SGPP2: variants seen among roughly 807,000 people sequenced by gnomAD.
The protein encoded by SGPP2 is sphingosine 1-phosphate phosphohydrolase 2.
A neutral mutation model predicts 33.9 loss-of-function variants in SGPP2; 30 were observed. That is an observed-to-expected ratio of 0.89 (90% CI 0.66 to 1.20). The LOEUF (loss-of-function observed/expected upper bound fraction) is 1.20, where lower values mean the gene tolerates loss of function less well. Among genes scored for constraint, SGPP2 ranks in the 50% most tolerant of loss-of-function variants. The pLI, the probability that SGPP2 is intolerant of heterozygous loss-of-function variation, is 0.00. For synonymous variants in SGPP2, 233 were observed against 225.0 expected (o/e 1.04, Z -0.32); for missense variants, 458 against 532.1 (o/e 0.86, Z 1.37).
At chr2:222,542,413 T>C (rs1399639346) in intron 4 of SGPP2, among the ~76,000 whole-genome samples, 3 of 152,226 alleles carry the variant, frequency 2.0e-5, no homozygotes, top group Non-Finnish European at 4.4e-5. Flanking sequence ...ATGTACATTT[T>C]CCTCTTGAGT....
intron 1 of SGPP2, among the ~76,000 whole-genome samples, chr2:222,458,105 C>T (rs1697599663): frequency 6.6e-6 from 1 of 152,112 alleles, no homozygotes; most frequent in Non-Finnish European, 1.5e-5. Context: ...GCCCGAAGTG[C>T]AGTGGAGAGA....
chr2:222,428,942 C>T (rs1399637779), intron 1 of SGPP2, among the ~76,000 whole-genome samples: 1 of 151,964 alleles, frequency 6.6e-6, no homozygotes, highest in Admixed American at 6.6e-5. Flanking sequence ...CAGGCATGCA[C>T]CACCATGTCC....
chr2:222,474,697 T>C lies in SGPP2; in HGVS notation c.349T>C (p.Leu117=), dbSNP rs187530747. ...CACTCACTGGAATATTGACCCTTAT[T>C]TATCCAGAAGATTGATCATCATATG... ...PFTHWNIDPY[L]SRRLIIIWVL... The change falls in exon 2 of 5, where the codon TTA becomes CTA. Residue 117 remains leucine (L), a synonymous_variant. Transcript: ENST00000321276. 86 of 1,613,952 alleles carry C rather than the reference T, an allele frequency of 5.3e-5. No individual in the cohort carries two copies. In the South Asian group the frequency reaches 8.8e-4, roughly 16 times the overall value.
At chr2:222,488,727 A>C (rs17496827) in intron 2 of SGPP2, among the ~76,000 whole-genome samples, 69,810 of 151,906 alleles carry the variant, frequency 0.46, 17,226 homozygotes, top group Middle Eastern at 0.66. Flanking sequence ...TGCAAGCCTT[A>C]CTCTCAGCTT....
chr2:222,467,977 A>C (rs938197622), intron 1 of SGPP2, among the ~76,000 whole-genome samples: 16 of 139,942 alleles, frequency 1.1e-4, no homozygotes, highest in African/African-American at 3.0e-4. Context: ...AAAAAAAAAA[A>C]AAAAAAAAAA....
chr2:222,489,794 C>A (rs1439256164), intron 2 of SGPP2, among the ~76,000 whole-genome samples: 1 of 151,948 alleles, frequency 6.6e-6, no homozygotes, highest in African/African-American at 2.4e-5. Flanking sequence ...GGAGAAACCC[C>A]ATCTCTACTA....
chr2:222,555,907 C>T (rs1203210152), intron 4 of SGPP2, among the ~76,000 whole-genome samples: 1 of 152,190 alleles, frequency 6.6e-6, no homozygotes, highest in East Asian at 1.9e-4. Flanking sequence ...GCAGTTCATT[C>T]TGATTGTTGT....
chr2:222,509,251 G>A (rs548674880), intron 2 of SGPP2, among the ~76,000 whole-genome samples: 7 of 152,264 alleles, frequency 4.6e-5, no homozygotes, highest in East Asian at 1.9e-4. Context: ...AGAGGTGAAT[G>A]TTTGGGGTGA....
chr2:222,493,295 C>G (rs1698226276), intron 2 of SGPP2, among the ~76,000 whole-genome samples: 1 of 152,162 alleles, frequency 6.6e-6, no homozygotes, highest in African/African-American at 2.4e-5. Flanking sequence ...AAGGAAGAGG[C>G]ACATCTTACA....
intron 2 of SGPP2, among the ~76,000 whole-genome samples, chr2:222,496,194 G>A (rs899685096): frequency 1.3e-5 from 2 of 152,204 alleles, no homozygotes; most frequent in African/African-American, 2.4e-5. Context: ...CAGTACTTGT[G>A]CCTGCCTGTG....
intron 2 of SGPP2, among the ~76,000 whole-genome samples, chr2:222,487,540 T>C (rs2033694): frequency 0.81 from 123,056 of 152,054 alleles, 50,288 homozygotes; most frequent in African/African-American, 0.93. Context: ...TTTCATCATA[T>C]GCCATGGCTT....
Position 222,474,724 on chromosome 2 carries a change from G to A in SGPP2, c.376G>A (p.Val126Ile), listed in dbSNP as rs766362983. 1 of 1,611,378 alleles carries A rather than the reference G, an allele frequency of 6.2e-7. No homozygotes were observed. The highest frequency in any genetic ancestry group is 1.7e-5 in the Admixed American group (1 of 59,862). ...YLSRRLIIIW[V>I]LVMYIGQVAK... ...ATCCAGAAGATTGATCATCATATGG[G>A]TTGTAAGTATTATTACTACTCATTA... The change falls in exon 2 of 5, where the codon GTT becomes ATT. Residue 126 changes from valine to isoleucine, a missense_variant and splice_region_variant. By Grantham distance (29) the Val-to-Ile change is conservative. Transcript: ENST00000321276.
At chr2:222,549,697 C>G (rs1439780667) in intron 4 of SGPP2, among the ~76,000 whole-genome samples, 1 of 152,080 alleles carries the variant, frequency 6.6e-6, no homozygotes, top group Admixed American at 6.6e-5. Flanking sequence ...TTAGAACTTT[C>G]TGCATTTGAA....
At chr2:222,457,406 G>C (rs1339125871) in intron 1 of SGPP2, among the ~76,000 whole-genome samples, 1 of 152,046 alleles carries the variant, frequency 6.6e-6, no homozygotes, top group African/African-American at 2.4e-5. Flanking sequence ...TTCCATAGAA[G>C]ACCAGAAATA....
chr2:222,534,408 C>A (rs1292594714), intron 4 of SGPP2, among the ~76,000 whole-genome samples: 2 of 152,144 alleles, frequency 1.3e-5, no homozygotes, highest in Non-Finnish European at 2.9e-5. Context: ...ATTGTTTGAT[C>A]TCTGGATAAT....
intron 1 of SGPP2, among the ~76,000 whole-genome samples, chr2:222,426,606 A>G (rs1697075326): frequency 6.6e-6 from 1 of 152,190 alleles, no homozygotes; most frequent in African/African-American, 2.4e-5. Flanking sequence ...CCACCCAGCC[A>G]ACACAGGACT....
chr2:222,534,350 T>A (rs1698882768), intron 4 of SGPP2, among the ~76,000 whole-genome samples: 1 of 152,262 alleles, frequency 6.6e-6, no homozygotes, highest in South Asian at 2.1e-4. Context: ...TGTTCCATTA[T>A]TTTGCACCTG....
intron 1 of SGPP2, chr2:222,452,829 G>A (rs1397065613): frequency 1.0e-5 from 16 of 1,606,126 alleles, no homozygotes; most frequent in East Asian, 2.2e-5. Flanking sequence ...GCTATTCTGC[G>A]GCCAGTTGTT....
At chr2:222,520,443 A>G (rs532236910) in intron 2 of SGPP2, among the ~76,000 whole-genome samples, 1 of 152,296 alleles carries the variant, frequency 6.6e-6, no homozygotes, top group East Asian at 1.9e-4. Flanking sequence ...TAAAAACTCC[A>G]TATTAGGCCA....
Sources: gnomAD v4.1 joint callset for allele counts (sites outside exome capture counted in the v4.1 genomes callset) on GRCh38, gnomAD v4.1.1 for gene constraint, MANE v1.5 for transcripts, NCBI Gene and HGNC (gene_info 2026-07-23, HGNC 2026-07-21) for gene names.